CADPS2: variants seen among roughly 807,000 people sequenced by gnomAD.
CADPS2 encodes calcium-dependent secretion activator 2.
A neutral mutation model predicts 172.5 loss-of-function variants in CADPS2; 93 were observed. The ratio of observed to expected loss-of-function variants is 0.54; its 90% CI spans 0.46 to 0.64. The LOEUF (loss-of-function observed/expected upper bound fraction) is 0.64. Among genes scored for constraint, CADPS2 ranks in the 30% least tolerant of loss-of-function variants. CADPS2 has a pLI of 0.00. For synonymous variants in CADPS2, 546 were observed against 555.2 expected (o/e 0.98, Z 0.23); for missense variants, 1,420 against 1,565.9 (o/e 0.91, Z 1.57).
intron 7 of CADPS2, among the ~76,000 whole-genome samples, chr7:122,573,923 G>T (rs2067607403): frequency 6.6e-6 from 1 of 151,964 alleles, no homozygotes. Context: ...ATAAAAATAA[G>T]AAATTTTATC....
At chr7:122,479,128 G>C (rs1359021297) in intron 12 of CADPS2, among the ~76,000 whole-genome samples, 2 of 152,092 alleles carry the variant, frequency 1.3e-5, no homozygotes, top group African/African-American at 4.8e-5. Context: ...TGGTGTCTGG[G>C]AGTGGGACTC....
chr7:122,729,389 T>C (rs566843870), intron 2 of CADPS2, among the ~76,000 whole-genome samples: 139 of 151,960 alleles, frequency 9.1e-4, no homozygotes, highest in Non-Finnish European at 1.3e-3. Context: ...TACCAAGTAA[T>C]GAGATTGCTG....
At chr7:122,721,561 A>G (rs886210554) in intron 2 of CADPS2, among the ~76,000 whole-genome samples, 47 of 152,192 alleles carry the variant, frequency 3.1e-4, no homozygotes, top group African/African-American at 1.1e-3. Context: ...CCTACCAACC[A>G]AAAAAAGTCC....
chr7:122,849,651 G>A, intron 1 of CADPS2: 1 of 309,072 alleles, frequency 3.2e-6, no homozygotes, highest in East Asian at 1.2e-4. Flanking sequence ...ACTGTAGCCA[G>A]CTGCTATGGC....
intron 2 of CADPS2, among the ~76,000 whole-genome samples, chr7:122,714,364 A>G (rs2089268210): frequency 6.6e-6 from 1 of 152,088 alleles, no homozygotes; most frequent in South Asian, 2.1e-4. Flanking sequence ...TACAACTTTC[A>G]GATTGTTTCT....
At chr7:122,347,060 C>A (rs2037780196) in intron 27 of CADPS2, among the ~76,000 whole-genome samples, 1 of 152,132 alleles carries the variant, frequency 6.6e-6, no homozygotes, top group African/African-American at 2.4e-5. Context: ...AGAACTGATG[C>A]CCAAATAAGC....
At chr7:122,615,430 T>A (rs934805261) in intron 5 of CADPS2, 131 bp from the exon 6 acceptor site, 3 of 493,460 alleles carry the variant, frequency 6.1e-6, no homozygotes, top group Non-Finnish European at 1.1e-5. Context: ...TTAACATCAC[T>A]GGTATTTTAT....
intron 1 of CADPS2, among the ~76,000 whole-genome samples, chr7:122,844,606 T>C (rs555628129): frequency 3.9e-5 from 6 of 152,332 alleles, no homozygotes; most frequent in Admixed American, 2.6e-4. Context: ...CAGAAAACAA[T>C]ATTGCTTAAC....
At chr7:122,728,088 G>T (rs901836658) in intron 2 of CADPS2, among the ~76,000 whole-genome samples, 1 of 151,826 alleles carries the variant, frequency 6.6e-6, no homozygotes, top group Non-Finnish European at 1.5e-5. Flanking sequence ...AGTTTAAAAG[G>T]TATTTAGACA....
chr7:122,701,251 T>C (rs935921157), intron 2 of CADPS2, among the ~76,000 whole-genome samples: 6 of 152,320 alleles, frequency 3.9e-5, no homozygotes, highest in African/African-American at 1.4e-4. Flanking sequence ...CATGGAATAC[T>C]ATGCAGCCAT....
At chr7:122,875,995 A>C (rs973501477) in intron 1 of CADPS2, among the ~76,000 whole-genome samples, 1 of 152,176 alleles carries the variant, frequency 6.6e-6, no homozygotes, top group Non-Finnish European at 1.5e-5. Context: ...AAATAGCAGA[A>C]CTTATAAAGT....
At chr7:122,563,848 A>G (rs534064681) in intron 7 of CADPS2, among the ~76,000 whole-genome samples, 7 of 152,236 alleles carry the variant, frequency 4.6e-5, no homozygotes, top group Admixed American at 4.6e-4. Flanking sequence ...TGGGTATTTA[A>G]ATTAAAAACC....
chr7:122,401,060 T>C (rs1317851793), intron 20 of CADPS2, among the ~76,000 whole-genome samples: 1 of 152,144 alleles, frequency 6.6e-6, no homozygotes, highest in African/African-American at 2.4e-5. Flanking sequence ...TTATGGCTAA[T>C]TTGACTCCAC....
In CADPS2 at chr7:122,717,977, A is replaced by AT. The variant is rs36154725; in HGVS notation, c.453+18977dup. ...AGGTGCATTCCACCACACTCGGCTAATTTTTTTTTTTTTTTTTTTTTTTTT... is the reference window on the plus strand; with the variant it reads ...AGGTGCATTCCACCACACTCGGCTAATTTTTTTTTTTTTTTTTTTTTTTTTT... On this transcript the variant is annotated intron_variant, in intron 2 of 29. Transcript: ENST00000449022. Among the ~76,000 whole-genome samples, 43 of 87,206 alleles carry AT rather than the reference A, an allele frequency of 4.9e-4. 1 individual carries two copies. Among genetic ancestry groups the AT allele is most frequent in the African/African-American group, 1.7e-3 (39 of 23,592 alleles). 57.2% of individuals were successfully genotyped at this position (87,206 alleles called of 152,430 possible).
rs909911249 is a variant in CADPS2, at chr7:122,679,271, G to C, written c.454-15702C>G. Among the ~76,000 whole-genome samples the C allele has an allele frequency of 1.7e-5, 2 of 117,500 alleles. 1 individual carries two copies. Among genetic ancestry groups the C allele is most frequent in the Non-Finnish European group, 3.8e-5 (2 of 52,644 alleles). 77.1% of individuals were successfully genotyped at this position (117,500 alleles called of 152,430 possible). On this transcript the variant is annotated intron_variant, in intron 2 of 29. Coordinates refer to ENST00000449022, the MANE Select transcript of CADPS2 (RefSeq NM_017954.11). ...TGGGAAAAGAATGCATTCCTGGGGG[G>C]GGGGGGCTCTAAAATGGCCACCCTG... is the stretch of plus-strand genomic sequence containing the variant.
intron 1 of CADPS2, among the ~76,000 whole-genome samples, chr7:122,880,167 G>C (rs1001194569): frequency 2.6e-5 from 4 of 152,144 alleles, no homozygotes; most frequent in Admixed American, 6.6e-5. Flanking sequence ...CTGAGTGTCA[G>C]CTCCAACTTG....
At chr7:122,591,410 C>T (rs534010347) in intron 6 of CADPS2, among the ~76,000 whole-genome samples, 2 of 152,148 alleles carry the variant, frequency 1.3e-5, no homozygotes, top group East Asian at 1.9e-4. Context: ...GGCCATAATG[C>T]CCAAGGTAAT....
At chr7:122,723,050 A>C (rs867476607) in intron 2 of CADPS2, among the ~76,000 whole-genome samples, 35 of 152,240 alleles carry the variant, frequency 2.3e-4, no homozygotes, top group African/African-American at 7.9e-4. Context: ...TAAAGACTTA[A>C]ATGTTAGACT....
Position 122,581,249 on chromosome 7 carries a change from G to A in CADPS2, c.1265C>T (p.Pro422Leu). The change falls in exon 7 of 30, where the codon CCT becomes CTT. Residue 422 changes from proline (P) to leucine (L), a missense_variant. Transcript: ENST00000449022. ...TGTGAAGAGTTTCACTTTGACCACA[G>A]GCCGAGGATGGGTGGTGGTGAAATC... ...QGDFTTTHPR[P>L]VVKVKLFTES... 2 of 1,613,226 alleles carry A rather than the reference G, an allele frequency of 1.2e-6. No homozygotes were observed. Among genetic ancestry groups the A allele is most frequent in the Non-Finnish European group, 1.7e-6 (2 of 1,179,418 alleles).
Sources: gnomAD v4.1 joint callset for allele counts (sites outside exome capture counted in the v4.1 genomes callset) on GRCh38, gnomAD v4.1.1 for gene constraint, MANE v1.5 for transcripts, NCBI Gene and HGNC (gene_info 2026-07-23, HGNC 2026-07-21) for gene names.